The following SHANK2 variants were observed in gnomAD, a reference collection of about 807,000 sequenced individuals.
SHANK2 encodes the protein SH3 and multiple ankyrin repeat domains 2, also known as SH3 and multiple ankyrin repeat domains protein 2.
Under a neutral mutation model 133.7 loss-of-function variants are expected in SHANK2, and 43 were observed. The ratio of observed to expected loss-of-function variants is 0.32; its 90% CI spans 0.25 to 0.41. The LOEUF (loss-of-function observed/expected upper bound fraction) is 0.41, where lower values mean the gene tolerates loss of function less well. Among genes scored for constraint, SHANK2 ranks in the 10% least tolerant of loss-of-function variants. SHANK2 has a pLI of 1.00. For missense variants in SHANK2, 1,994 were observed against 2,235.8 expected (o/e 0.89, Z 2.18); for synonymous variants, 1,017 against 952.8 (o/e 1.07, Z -1.24).
chr11:70,954,140 C>T (rs191955342), intron 10 of SHANK2, among the ~76,000 whole-genome samples: 47 of 152,340 alleles, frequency 3.1e-4, no homozygotes, highest in South Asian at 1.4e-3. Context: ...TGACCTTGTT[C>T]CCACATCCAC....
At chr11:71,108,309 C>A (rs782325452) in intron 6 of SHANK2, among the ~76,000 whole-genome samples, 4 of 152,180 alleles carry the variant, frequency 2.6e-5, no homozygotes, top group Non-Finnish European at 4.4e-5. Context: ...CCTCCCAAGC[C>A]TCCTACAGAC....
chr11:71,076,510 C>CA (rs1951222122), intron 8 of SHANK2, among the ~76,000 whole-genome samples: 2 of 148,136 alleles, frequency 1.4e-5, no homozygotes, highest in South Asian at 2.1e-4. Flanking sequence ...AAAAAAAAAA[C>CA]AAACAAAAAC....
chr11:71,085,587 T>TTATAAAATATA lies in SHANK2; in HGVS notation c.912+6834_912+6835insTATATTTTATA. Among the ~76,000 whole-genome samples the TTATAAAATATA allele has an allele frequency of 1.8e-3, 54 of 30,580 alleles. 1 individual carries two copies. The highest frequency in any genetic ancestry group is 5.1e-3 in the African/African-American group (52 of 10,278). 20.1% of individuals were successfully genotyped at this position (30,580 alleles called of 152,430 possible). A position where few individuals can be genotyped will look rare whatever the true frequency, so the allele number is the denominator to read the frequency against. On this transcript the variant is annotated intron_variant, in intron 8 of 25. Transcript: ENST00000601538. ...TATAAAATATATATTATATAATATA[T>TTATAAAATATA]TATATAATATATATATTAAATATAT...
At position 70,808,931 on chromosome 11, in the gene SHANK2, C is replaced by T. The variant is rs555695479; in HGVS notation, c.1494-1760G>A. 5.9e-5 allele frequency among the ~76,000 whole-genome samples: 9 copies of T among 152,280 alleles called. No homozygotes were observed. In the East Asian group the frequency reaches 9.7e-4, roughly 16 times the overall value. The stretch of plus-strand genomic sequence containing the variant: ...AGTTCCCAGCGGCCCCAGCGAACCA[C>T]GCTAGAGGAACTCATATCCGTTCTT... On this transcript the variant is annotated intron_variant, in intron 12 of 25. Coordinates refer to ENST00000601538, the MANE Select transcript of SHANK2 (RefSeq NM_012309.5).
rs536572986 is a variant in SHANK2 at position 70,489,062 on chromosome 11, GA to G, written c.2572+265del. The G allele has an allele frequency of 3.7e-3, 1,747 of 467,626 alleles. 7 individuals are homozygous for G. The highest frequency in any genetic ancestry group is 5.0e-3 in the Non-Finnish European group (1,304 of 259,712). The allele number at this position is 467,626 out of a possible 1,614,324, so 29.0% of individuals were successfully genotyped here. ...GGTAGCAAAATAAATTACTTGAAAT[GA>G]AAAAAAGTCCTAGGACAAACTACAA... On this transcript the variant is annotated intron_variant, in intron 24 of 25. Coordinates refer to ENST00000601538, the MANE Select transcript of SHANK2 (RefSeq NM_012309.5).
intron 11 of SHANK2, among the ~76,000 whole-genome samples, chr11:70,891,142 G>T (rs189542469): frequency 7.2e-5 from 11 of 152,252 alleles, no homozygotes; most frequent in African/African-American, 2.6e-4. Context: ...AGCGTATGCG[G>T]GCTCCTCTCT....
chr11:70,828,602 T>A (rs1555057685), intron 11 of SHANK2, among the ~76,000 whole-genome samples: 2 of 152,246 alleles, frequency 1.3e-5, no homozygotes, highest in Admixed American at 1.3e-4. Flanking sequence ...CGATGTGTCC[T>A]CCGGGTGGAC....
chr11:70,825,649 C>T lies in SHANK2; in HGVS notation c.1175-4967G>A, dbSNP rs115057920. ...TGAAATTTCTTTGGTGTTTATTTTG[C>T]AACGAGCTGGGGCTGGGAAGTACCT... On this transcript the variant is annotated intron_variant, in intron 11 of 25. Transcript: ENST00000601538. 6.6e-3 allele frequency among the ~76,000 whole-genome samples: 1,001 copies of T among 152,216 alleles called. 14 individuals carry two copies. Among genetic ancestry groups the T allele is most frequent in the African/African-American group, 0.023 (971 of 41,522 alleles).
chr11:70,506,128 C>A (rs1253489220), intron 17 of SHANK2, among the ~76,000 whole-genome samples: 1 of 152,190 alleles, frequency 6.6e-6, no homozygotes, highest in African/African-American at 2.4e-5. Context: ...ATGGGGGATT[C>A]TCAGGAAGCT....
At chr11:70,824,685 C>T (rs76671731) in intron 11 of SHANK2, among the ~76,000 whole-genome samples, 7,772 of 152,186 alleles carry the variant, frequency 0.051, 620 homozygotes, top group African/African-American at 0.17. Context: ...GGTGCCCTCC[C>T]TCTGGACCGG....
chr11:70,795,637 C>T (rs577600736), intron 14 of SHANK2, among the ~76,000 whole-genome samples: 12 of 152,156 alleles, frequency 7.9e-5, no homozygotes, highest in Non-Finnish European at 1.5e-4. Context: ...AACTCCTAAA[C>T]TCAAGAGATC....
At chr11:70,751,362 A>G (rs1288434285) in intron 14 of SHANK2, among the ~76,000 whole-genome samples, 1 of 152,272 alleles carries the variant, frequency 6.6e-6, no homozygotes, top group Non-Finnish European at 1.5e-5. Flanking sequence ...GGAGGTCAGA[A>G]GGAAGTGGAA....
intron 2 of SHANK2, among the ~76,000 whole-genome samples, chr11:71,180,630 A>AT (rs1352050299): frequency 1.3e-5 from 2 of 152,120 alleles, no homozygotes; most frequent in Admixed American, 6.5e-5. Context: ...TACAGATGGC[A>AT]TTTTTTTGGC....
At chr11:70,869,848 C>T (rs186813472) in intron 11 of SHANK2, among the ~76,000 whole-genome samples, 77 of 152,228 alleles carry the variant, frequency 5.1e-4, no homozygotes, top group Non-Finnish European at 9.6e-4. Context: ...GCTCAGTCGC[C>T]GCTGGGTCAG....
chr11:70,698,639 C>T (rs781994295), intron 15 of SHANK2, 49 bp downstream of exon 15: 11 of 718,268 alleles, frequency 1.5e-5, no homozygotes, highest in South Asian at 8.9e-5. Context: ...GCAGCACAGA[C>T]GAACAGCTTT....
At chr11:70,507,819 C>T (rs1443345557) in intron 17 of SHANK2, among the ~76,000 whole-genome samples, 3 of 152,198 alleles carry the variant, frequency 2.0e-5, no homozygotes, top group East Asian at 1.9e-4. Context: ...CATGTGGTCC[C>T]AGTGACGCGC....
intron 8 of SHANK2, among the ~76,000 whole-genome samples, chr11:71,079,315 C>T (rs1951260797): frequency 6.6e-6 from 1 of 152,206 alleles, no homozygotes; most frequent in Non-Finnish European, 1.5e-5. Flanking sequence ...CAGGCAGGTC[C>T]CAGGCTGGAT....
chr11:71,063,200 C>CT (rs1951009063), intron 9 of SHANK2, among the ~76,000 whole-genome samples: 1 of 152,132 alleles, frequency 6.6e-6, no homozygotes, highest in Non-Finnish European at 1.5e-5. Flanking sequence ...CAGGCACTGC[C>CT]ATTCCAGGGC....
intron 1 of SHANK2, among the ~76,000 whole-genome samples, chr11:71,248,018 CAGTCCCTCCCTGA>C (rs1440565365): frequency 3.3e-5 from 5 of 152,232 alleles, no homozygotes; most frequent in Non-Finnish European, 5.9e-5. Context: ...GCGTTTCAGC[CAGTCCCTCCCTGA>C]AGGCCCATCC....
Sources: gnomAD v4.1 joint callset for allele counts (sites outside exome capture counted in the v4.1 genomes callset) on GRCh38, gnomAD v4.1.1 for gene constraint, MANE v1.5 for transcripts, NCBI Gene and HGNC (gene_info 2026-07-23, HGNC 2026-07-21) for gene names.